The following PHF24 variants were observed in gnomAD, a reference collection of about 807,000 sequenced individuals.
The protein encoded by PHF24 is PHD finger protein 24.
In PHF24, 25 loss-of-function variants were observed where a neutral mutation model predicts 42.6. The ratio of observed to expected loss-of-function variants is 0.59; its 90% CI spans 0.43 to 0.82. The LOEUF (loss-of-function observed/expected upper bound fraction) is 0.82, where lower values mean the gene tolerates loss of function less well. Ranked by LOEUF, PHF24 falls within the 40% of genes least tolerant of loss-of-function variation. The pLI is 0.00. For missense variants in PHF24, 470 were observed against 538.1 expected (o/e 0.87, Z 1.25); for synonymous variants, 185 against 204.8 (o/e 0.90, Z 0.83).
At chr9:34,911,810 A>C in the PHF24 span, among the ~76,000 whole-genome samples, 1 of 152,194 alleles carries the variant, frequency 6.6e-6, no homozygotes, top group Non-Finnish European at 1.5e-5. Flanking sequence ...AGAAACAACT[A>C]TCTAAGAACT....
chr9:34,712,749 A>C, the PHF24 span, among the ~76,000 whole-genome samples: 1 of 151,530 alleles, frequency 6.6e-6, no homozygotes, highest in African/African-American at 2.4e-5. Flanking sequence ...TTTTTTTTCC[A>C]AAAGGGCCAT....
At chr9:34,736,753 A>G in the PHF24 span, among the ~76,000 whole-genome samples, 1 of 152,250 alleles carries the variant, frequency 6.6e-6, no homozygotes, top group East Asian at 1.9e-4. Context: ...AGGCAGCTTG[A>G]GAAAAAAGGA....
the PHF24 span, among the ~76,000 whole-genome samples, chr9:34,702,332 C>T: frequency 5.3e-4 from 81 of 152,260 alleles, no homozygotes; most frequent in African/African-American, 1.7e-3. Flanking sequence ...TGAGCGCCTC[C>T]CAGCAGGCGG....
chr9:34,924,772 C>T, the PHF24 span, among the ~76,000 whole-genome samples: 1 of 152,126 alleles, frequency 6.6e-6, no homozygotes, highest in Admixed American at 6.5e-5. Flanking sequence ...CATTTACATT[C>T]AATGTTGTTA....
the PHF24 span, among the ~76,000 whole-genome samples, chr9:34,781,320 A>G: frequency 6.6e-6 from 1 of 152,258 alleles, no homozygotes; most frequent in African/African-American, 2.4e-5. Context: ...CCTTGAAAAT[A>G]TTACACTAAG....
chr9:34,764,506 C>T, the PHF24 span, among the ~76,000 whole-genome samples: 5 of 151,398 alleles, frequency 3.3e-5, no homozygotes, highest in South Asian at 4.2e-4. Flanking sequence ...GTAGTATTCT[C>T]TGATGGTAGT....
chr9:34,705,968 G>A, the PHF24 span, among the ~76,000 whole-genome samples: 27 of 152,104 alleles, frequency 1.8e-4, no homozygotes, highest in East Asian at 3.9e-3. Context: ...TTTCTTCTAC[G>A]TATATCTTAA....
the PHF24 span, among the ~76,000 whole-genome samples, chr9:34,766,495 G>T: frequency 6.6e-6 from 1 of 152,114 alleles, no homozygotes; most frequent in South Asian, 2.1e-4. Context: ...GGTCTCATCA[G>T]CTCCTGAGGC....
At chr9:34,893,146 G>C in the PHF24 span, 5 of 640,302 alleles carry the variant, frequency 7.8e-6, no homozygotes, top group East Asian at 9.2e-5. Context: ...GAGGAAGCCA[G>C]CCCTGGCTGG....
At chr9:34,726,589 T>C in the PHF24 span, 10 of 1,551,940 alleles carry the variant, frequency 6.4e-6, no homozygotes, top group Non-Finnish European at 8.7e-6. Context: ...CTATGGTGTT[T>C]GGGCCCCGGA....
the PHF24 span, among the ~76,000 whole-genome samples, chr9:34,732,464 A>AT: frequency 5.3e-5 from 8 of 151,336 alleles, no homozygotes; most frequent in African/African-American, 9.7e-5. Flanking sequence ...GGATTATTAG[A>AT]TTTTTTTTTC....
the PHF24 span, among the ~76,000 whole-genome samples, chr9:34,898,752 G>C: frequency 6.6e-6 from 1 of 152,066 alleles, no homozygotes; most frequent in African/African-American, 2.4e-5. Flanking sequence ...TAACAGTTTT[G>C]TCACCCATTA....
At chr9:34,922,978 A>T in the PHF24 span, 30 of 1,037,950 alleles carry the variant, frequency 2.9e-5, no homozygotes, top group African/African-American at 4.3e-4. Context: ...GCCCCAGTCT[A>T]CCTGGGGGGT....
chr9:34,830,852 C>T, the PHF24 span, among the ~76,000 whole-genome samples: 1 of 151,532 alleles, frequency 6.6e-6, no homozygotes, highest in Admixed American at 6.6e-5. Context: ...CTCAGCTTGC[C>T]ACTCAGCCTC....
At chr9:34,716,355 G>C in the PHF24 span, among the ~76,000 whole-genome samples, 1 of 152,144 alleles carries the variant, frequency 6.6e-6, no homozygotes, top group South Asian at 2.1e-4. Context: ...ATTTGGAATT[G>C]GGTTTGCGGT....
chr9:34,684,066 T>C, the PHF24 span, among the ~76,000 whole-genome samples: 1 of 152,234 alleles, frequency 6.6e-6, no homozygotes, highest in Non-Finnish European at 1.5e-5. Context: ...GTCTTTTTAA[T>C]AAACTCCTTT....
chr9:34,912,520 G>GA, the PHF24 span, among the ~76,000 whole-genome samples: 1,064 of 151,840 alleles, frequency 7.0e-3, 9 homozygotes, highest in Non-Finnish European at 0.011. Context: ...CAGAACACAT[G>GA]AAAAAAAACA....
chr9:34,905,915 G>A, the PHF24 span, among the ~76,000 whole-genome samples: 6 of 152,154 alleles, frequency 3.9e-5, no homozygotes, highest in African/African-American at 7.2e-5. Context: ...TCTGTGTCAC[G>A]TGGACATGAA....
the PHF24 span, among the ~76,000 whole-genome samples, chr9:34,905,632 G>A: frequency 3.3e-5 from 5 of 152,136 alleles, no homozygotes; most frequent in South Asian, 8.3e-4. Context: ...GTAGAAGATG[G>A]CATTCAAGCT....
Sources: gnomAD v4.1 joint callset for allele counts (sites outside exome capture counted in the v4.1 genomes callset) on GRCh38, gnomAD v4.1.1 for gene constraint, MANE v1.5 for transcripts, NCBI Gene and HGNC (gene_info 2026-07-23, HGNC 2026-07-21) for gene names.